Variants in ALDH9A1 observed in about 807,000 individuals in gnomAD.
ALDH9A1 encodes 4-trimethylaminobutyraldehyde dehydrogenase.
A neutral mutation model predicts 56.6 loss-of-function variants in ALDH9A1; 42 were observed. The ratio of observed to expected loss-of-function variants is 0.74; its 90% CI spans 0.58 to 0.96. The LOEUF (loss-of-function observed/expected upper bound fraction) is 0.96. ALDH9A1 is among the 40% of genes least tolerant of loss of function. ALDH9A1 has a pLI of 0.00. For missense variants in ALDH9A1, 661 were observed against 651.5 expected (o/e 1.01, Z -0.16); for synonymous variants, 242 against 236.0 (o/e 1.03, Z -0.23).
At chr1:165,665,800 G>A (rs1294778726) in intron 9 of ALDH9A1, among the ~76,000 whole-genome samples, 17 of 152,114 alleles carry the variant, frequency 1.1e-4, no homozygotes, top group Non-Finnish European at 2.4e-4. Flanking sequence ...ACCTTCATAC[G>A]TTGTTCGGAG....
At chr1:165,681,955 G>T in intron 4 of ALDH9A1, 152 bp downstream of exon 4, 1 of 1,004,254 alleles carries the variant, frequency 1.0e-6, no homozygotes, top group Non-Finnish European at 1.4e-6. Flanking sequence ...GGGCAGGAAC[G>T]AGCCATGTCC....
chr1:165,691,836 A>G (rs961970518), intron 2 of ALDH9A1, among the ~76,000 whole-genome samples: 2 of 152,200 alleles, frequency 1.3e-5, no homozygotes, highest in Non-Finnish European at 2.9e-5. Context: ...ATACTGGCAA[A>G]CAGAATCCAG....
chr1:165,692,162 A>C (rs552786912), intron 2 of ALDH9A1, among the ~76,000 whole-genome samples: 1 of 152,354 alleles, frequency 6.6e-6, no homozygotes, highest in East Asian at 1.9e-4. Flanking sequence ...CTGGCACAAG[A>C]CATGAATGCC....
At chr1:165,676,739 A>C in intron 6 of ALDH9A1, 1 of 507,986 alleles carries the variant, frequency 2.0e-6, no homozygotes, top group Non-Finnish European at 3.9e-6. Context: ...ACCAACGGGA[A>C]GGAGCCTGAG....
chr1:165,666,674 C>T (rs1649018141), intron 9 of ALDH9A1, among the ~76,000 whole-genome samples: 1 of 152,134 alleles, frequency 6.6e-6, no homozygotes, highest in African/African-American at 2.4e-5. Context: ...TTATGTATCA[C>T]CAAAGAAACA....
chr1:165,680,938 C>CG (rs1317133381), intron 4 of ALDH9A1, among the ~76,000 whole-genome samples: 3 of 152,112 alleles, frequency 2.0e-5, no homozygotes, highest in African/African-American at 4.8e-5. Context: ...AGAATCATGG[C>CG]GGGAGGTGAA....
chr1:165,695,432 T>C (rs776494896), intron 1 of ALDH9A1, 35 bp from the exon 2 acceptor site: 3 of 1,534,810 alleles, frequency 2.0e-6, no homozygotes, highest in South Asian at 2.5e-5. Flanking sequence ...TTAACTCAAA[T>C]TGTTGCCACA....
At chr1:165,693,094 C>G (rs1468865128) in intron 2 of ALDH9A1, among the ~76,000 whole-genome samples, 3 of 152,024 alleles carry the variant, frequency 2.0e-5, no homozygotes, top group Non-Finnish European at 4.4e-5. Flanking sequence ...AAATGTTAGA[C>G]CTAAAACCAT....
intron 10 of ALDH9A1, among the ~76,000 whole-genome samples, chr1:165,663,938 A>G (rs1258985335): frequency 6.6e-6 from 1 of 152,228 alleles, no homozygotes; most frequent in Non-Finnish European, 1.5e-5. Flanking sequence ...CATTCCACAT[A>G]GCATGGTCTG....
At chr1:165,680,726 C>A in intron 4 of ALDH9A1, 43 bp from the exon 5 acceptor site, 4 of 1,527,890 alleles carry the variant, frequency 2.6e-6, no homozygotes, top group Non-Finnish European at 3.5e-6. Context: ...CTTTCTAAGA[C>A]CAGTGATCCC....
chr1:165,686,246 T>C (rs1309972369), intron 2 of ALDH9A1, among the ~76,000 whole-genome samples: 2 of 152,100 alleles, frequency 1.3e-5, no homozygotes, highest in South Asian at 2.1e-4. Context: ...AGCCCTACAA[T>C]TGCTGGAGTC....
intron 2 of ALDH9A1, among the ~76,000 whole-genome samples, chr1:165,686,341 G>A (rs1286795890): frequency 6.6e-6 from 1 of 152,012 alleles, no homozygotes; most frequent in Non-Finnish European, 1.5e-5. Context: ...TGAGAAGATA[G>A]GGTGGGAGTT....
chr1:165,673,111 A>AT (rs200184670), intron 6 of ALDH9A1, among the ~76,000 whole-genome samples: 1 of 146,628 alleles, frequency 6.8e-6, no homozygotes, highest in Non-Finnish European at 1.5e-5. Context: ...CAAAAAAAAA[A>AT]AAAAAAAACC....
intron 6 of ALDH9A1, chr1:165,671,487 A>T: frequency 2.2e-6 from 1 of 448,912 alleles, no homozygotes; most frequent in African/African-American, 2.0e-5. Flanking sequence ...AGGCAATAAA[A>T]TCTTAAGAAT....
intron 2 of ALDH9A1, among the ~76,000 whole-genome samples, chr1:165,687,177 C>T (rs569524791): frequency 6.6e-6 from 1 of 152,012 alleles, no homozygotes; most frequent in South Asian, 2.1e-4. Context: ...AGAAAAAAAC[C>T]CATAAACACA....
intron 6 of ALDH9A1, among the ~76,000 whole-genome samples, chr1:165,678,243 G>A (rs6683651): frequency 0.41 from 61,741 of 150,386 alleles, 12,801 homozygotes; most frequent in Middle Eastern, 0.53. Context: ...CTGAGGCGGG[G>A]GAATCGCTTA....
chr1:165,675,455 C>T (rs944763273), intron 6 of ALDH9A1, among the ~76,000 whole-genome samples: 2 of 151,898 alleles, frequency 1.3e-5, no homozygotes, highest in African/African-American at 4.8e-5. Context: ...AAGAAATATA[C>T]AAGTACCTAT....
chr1:165,674,452 C>G (rs1299051402), intron 6 of ALDH9A1, among the ~76,000 whole-genome samples: 4 of 151,654 alleles, frequency 2.6e-5, no homozygotes, highest in Non-Finnish European at 5.9e-5. Flanking sequence ...TTTGGGAGGC[C>G]GAGGTGGGCA....
chr1:165,671,599 T>C (rs1355008155), intron 6 of ALDH9A1: 1 of 470,132 alleles, frequency 2.1e-6, no homozygotes, highest in Admixed American at 2.5e-5. Context: ...AGAGAAAGGA[T>C]GAGGATGCTA....
Sources: gnomAD v4.1 joint callset for allele counts (sites outside exome capture counted in the v4.1 genomes callset) on GRCh38, gnomAD v4.1.1 for gene constraint, MANE v1.5 for transcripts, NCBI Gene and HGNC (gene_info 2026-07-23, HGNC 2026-07-21) for gene names.